Variants in NANOG observed in about 807,000 individuals in gnomAD.
NANOG encodes Nanog homeobox, also known as homeobox protein NANOG.
In NANOG, 2 loss-of-function variants were observed where a neutral mutation model predicts 17.7. The ratio of observed to expected loss-of-function variants is 0.11; its 90% CI spans 0.05 to 0.36. The LOEUF (loss-of-function observed/expected upper bound fraction) is 0.36, where lower values mean the gene tolerates loss of function less well. Ranked by LOEUF, NANOG falls within the 10% of genes least tolerant of loss-of-function variation. The pLI, the probability that NANOG is intolerant of heterozygous loss-of-function variation, is 1.00. For missense variants in NANOG, 174 were observed against 362.1 expected (o/e 0.48, Z 4.22); for synonymous variants, 81 against 124.7 (o/e 0.65, Z 2.33).
Position 7,797,246 on chromosome 12 carries a change from G to A in NANOG, c.*2151G>A, listed in dbSNP as rs1205376009. ...ATTTTTGGTATTTTTAGTAGAGATGGGGTTTCACCATGTTGGCCAGCCTGG... is the reference window on the plus strand; with the variant it reads ...ATTTTTGGTATTTTTAGTAGAGATGAGGTTTCACCATGTTGGCCAGCCTGG... On this transcript the variant is annotated 3_prime_UTR_variant, in exon 4 of 4. Coordinates refer to ENST00000229307, the MANE Select transcript of NANOG (RefSeq NM_024865.4). 1.3e-5 allele frequency: 2 copies of A among 151,794 alleles called. No individual in the cohort carries two copies. 9.4% of individuals were successfully genotyped at this position (151,794 alleles called of 1,614,324 possible).
chr12:7,791,803 G>A (rs1269423515), intron 1 of NANOG, among the ~76,000 whole-genome samples: 1 of 152,222 alleles, frequency 6.6e-6, no homozygotes, highest in Non-Finnish European at 1.5e-5. Flanking sequence ...TGAGGTCAGA[G>A]CTAGTAAAGG....
chr12:7,790,065 A>G (rs1420410118), intron 1 of NANOG, among the ~76,000 whole-genome samples: 3 of 152,198 alleles, frequency 2.0e-5, no homozygotes, highest in Admixed American at 6.6e-5. Context: ...ACAAAAATGT[A>G]TCGTTATAGT....
In NANOG at chr12:7,789,734, G is replaced by A. The variant is rs761294996; in HGVS notation, c.120G>A (p.Met40Ile). The change falls in exon 1 of 4, where the codon ATG becomes ATA. Residue 40 changes from methionine to isoleucine, a missense_variant. Around this residue, in one of 2 missense-constraint regions of NANOG, gnomAD observed 158 missense variants for 244.2 expected, o/e 0.65. Coordinates refer to ENST00000229307, the MANE Select transcript of NANOG (RefSeq NM_024865.4). ...GPEENYPSLQ[M>I]SSAEMPHTET... The stretch of plus-strand genomic sequence containing the variant: ...AAGAAAACTATCCATCCTTGCAAAT[G>A]TCTTCTGCTGAGATGCCTCACACGG... 1.2e-6 allele frequency: 2 copies of A among 1,613,962 alleles called. No homozygotes were observed. Among genetic ancestry groups the A allele is most frequent in the South Asian group, 1.1e-5 (1 of 91,092 alleles).
At chr12:7,792,368 C>G (rs1418825199) in intron 1 of NANOG, among the ~76,000 whole-genome samples, 1 of 152,144 alleles carries the variant, frequency 6.6e-6, no homozygotes, top group Non-Finnish European at 1.5e-5. Context: ...CAGTTTAAAG[C>G]AAAAGGTGGT....
At chr12:7,790,638 G>C (rs774585213) in intron 1 of NANOG, among the ~76,000 whole-genome samples, 8 of 152,144 alleles carry the variant, frequency 5.3e-5, no homozygotes, top group Non-Finnish European at 8.8e-5. Context: ...CTGTAAAATA[G>C]CTTAAAAAGC....
At chr12:7,793,660 T>A (rs1207303070) in intron 2 of NANOG, among the ~76,000 whole-genome samples, 1 of 152,238 alleles carries the variant, frequency 6.6e-6, no homozygotes, top group Non-Finnish European at 1.5e-5. Flanking sequence ...GCCATTTTCC[T>A]TCATTAATTG....
chr12:7,793,045 A>G lies in NANOG; in HGVS notation c.247A>G (p.Ser83Gly). Residue 83 changes from serine to glycine, a missense_variant, in exon 2 of 4, where the codon AGT (serine) becomes GGT (glycine). Physicochemically the swap from Ser to Gly is moderately conservative, Grantham distance 56 (BLOSUM62 0). This residue lies in a region of NANOG where 158 missense variants were observed against 244.2 expected (regional missense o/e 0.65). Transcript: ENST00000229307. ...KGKQPTSAEK[S>G]VAKKEDKVPV... ...CAAACAACCCACTTCTGCAGAGAAG[A>G]GTGTCGCAAAAAAGGAAGACAAGGT... 6.2e-7 allele frequency: 1 copy of G among 1,608,684 alleles called. No homozygotes were observed. The highest frequency in any genetic ancestry group is 1.1e-5 in the South Asian group (1 of 90,928).
At chr12:7,791,875 A>T (rs1862845424) in intron 1 of NANOG, among the ~76,000 whole-genome samples, 1 of 152,180 alleles carries the variant, frequency 6.6e-6, no homozygotes, top group African/African-American at 2.4e-5. Context: ...CCTAGCATTG[A>T]GAACTGGGCA....
chr12:7,792,825 GCTT>G (rs142208324), intron 1 of NANOG, 122 bp from the exon 2 acceptor site: 17,718 of 968,720 alleles, frequency 0.018, 547 homozygotes, highest in East Asian at 0.084. Context: ...TTAAGAAATT[GCTT>G]CTTATTACTT....
chr12:7,797,546 G>C lies in NANOG; in HGVS notation c.*2451G>C, dbSNP rs1862948184. 2 of 151,744 alleles carry C rather than the reference G, an allele frequency of 1.3e-5. No homozygotes were observed. The highest frequency in any genetic ancestry group is 2.9e-5 in the Non-Finnish European group (2 of 68,000). 9.4% of individuals were successfully genotyped at this position (151,744 alleles called of 1,614,324 possible). A position where few individuals can be genotyped will look rare whatever the true frequency, so the allele number is the denominator to read the frequency against. On this transcript the variant is annotated 3_prime_UTR_variant, in exon 4 of 4. Transcript: ENST00000229307. Reference sequence around the variant, plus strand: ...CTAATTCTTTGTATTTAGTAGAGATGGGGTTTCACCGTATTGACCAGGCTG... The same window carrying C: ...CTAATTCTTTGTATTTAGTAGAGATCGGGTTTCACCGTATTGACCAGGCTG...
At chr12:7,792,925 G>T in intron 1 of NANOG, 25 bp from the exon 2 acceptor site, 2 of 1,560,634 alleles carry the variant, frequency 1.3e-6, no homozygotes, top group East Asian at 2.3e-5. Context: ...TTAGACAAAA[G>T]TGTCCTTTTA....
At chr12:7,793,294 A>G in intron 2 of NANOG, 82 bp downstream of exon 2, 2 of 1,348,788 alleles carry the variant, frequency 1.5e-6, no homozygotes, top group Non-Finnish European at 2.1e-6. Flanking sequence ...ATGCATGTAG[A>G]TGTGTGTACT....
At position 7,795,472 on chromosome 12, in the gene NANOG, C is replaced by T; in HGVS notation, c.*377C>T. The T allele has an allele frequency of 3.8e-6, 1 of 265,358 alleles. No individual in the cohort carries two copies. Among genetic ancestry groups the T allele is most frequent in the South Asian group, 3.9e-5 (1 of 25,756 alleles). 16.4% of individuals were successfully genotyped at this position (265,358 alleles called of 1,614,324 possible). ...GAGCAGCTGGGACTACAGGCGCCCG[C>T]CACCTCGCCCGGCTAATATTTTGTA... On this transcript the variant is annotated 3_prime_UTR_variant, in exon 4 of 4. Coordinates refer to ENST00000229307, the MANE Select transcript of NANOG (RefSeq NM_024865.4).
chr12:7,794,414 T>A, intron 2 of NANOG, 43 bp from the exon 3 acceptor site: 1 of 1,523,596 alleles, frequency 6.6e-7, no homozygotes, highest in Non-Finnish European at 9.0e-7. Context: ...AAAGTACCTC[T>A]GTATTATGAA....
intron 1 of NANOG, among the ~76,000 whole-genome samples, chr12:7,791,194 C>T (rs1275467352): frequency 3.3e-5 from 5 of 151,682 alleles, no homozygotes; most frequent in African/African-American, 4.8e-5. Flanking sequence ...CTGCAACCTC[C>T]GCCTCCTAGG....
rs1282597443 is a variant in NANOG, at chr12:7,796,124, A to G, written c.*1029A>G. ...TTAGCTGAGGACACTGCTATCTTAG[A>G]AATGCATAGAAATAGCTGAGCGTGG... On this transcript the variant is annotated 3_prime_UTR_variant, in exon 4 of 4. Transcript: ENST00000229307. 1 of 152,172 alleles carries G rather than the reference A, an allele frequency of 6.6e-6. No individual in the cohort carries two copies. The highest frequency in any genetic ancestry group is 1.5e-5 in the Non-Finnish European group (1 of 68,034). 9.4% of individuals were successfully genotyped at this position (152,172 alleles called of 1,614,324 possible).
At chr12:7,794,322 C>T in intron 2 of NANOG, 135 bp from the exon 3 acceptor site, 1 of 782,488 alleles carries the variant, frequency 1.3e-6, no homozygotes. Context: ...ATCTGCCCGC[C>T]TTGGCCTTCC....
chr12:7,789,960 G>C (rs12821889), intron 1 of NANOG, among the ~76,000 whole-genome samples, 195 bp downstream of exon 1: 80,264 of 151,894 alleles, frequency 0.53, 22,141 homozygotes, highest in Non-Finnish European at 0.59. Context: ...TATGTCCCAG[G>C]TCTCAGGAGT....
At position 7,795,423 on chromosome 12, in the gene NANOG, G is replaced by A. The variant is rs745892508; in HGVS notation, c.*328G>A. 1.6e-3 allele frequency: 545 copies of A among 330,636 alleles called. No homozygotes were observed. Among genetic ancestry groups the A allele is most frequent in the African/African-American group, 0.011 (514 of 45,592 alleles). The allele number at this position is 330,636 out of a possible 1,614,324, so 20.5% of individuals were successfully genotyped here. ...TGCAAGCTCCGTCTCCCGGGTTCAC[G>A]CCATTCTCCTGCCTCAGCCTCCCGA... On this transcript the variant is annotated 3_prime_UTR_variant, in exon 4 of 4. Coordinates refer to ENST00000229307, the MANE Select transcript of NANOG (RefSeq NM_024865.4).
Sources: allele counts gnomAD v4.1 joint callset (sites outside exome capture counted in the v4.1 genomes callset), GRCh38; gene constraint gnomAD v4.1.1; regional missense constraint gnomAD v4.1.1; transcripts MANE v1.5; gene names NCBI Gene and HGNC (gene_info 2026-07-23, HGNC 2026-07-21).